PLCL1: variants seen among roughly 807,000 people sequenced by gnomAD.
The protein encoded by PLCL1 is phospholipase C like 1 (inactive).
In PLCL1, 41 loss-of-function variants were observed where a neutral mutation model predicts 84.4. That is an observed-to-expected ratio of 0.49 (90% confidence interval 0.38 to 0.63). The LOEUF (loss-of-function observed/expected upper bound fraction) is 0.63, where lower values mean the gene tolerates loss of function less well. PLCL1 is among the 30% of genes least tolerant of loss of function. The probability of loss-of-function intolerance (pLI) is 0.00; values close to 1 mark genes in which losing one functional copy is unlikely to be tolerated. For missense variants in PLCL1, 1,206 were observed against 1,367.8 expected, an observed-to-expected ratio of 0.88 and a Z score of 1.87; for synonymous variants, 490 against 488.3, an observed-to-expected ratio of 1.00 and a Z score of -0.05.
intron 1 of PLCL1, among the ~76,000 whole-genome samples, chr2:197,876,063 G>A (rs1328388233): frequency 6.6e-6 from 1 of 152,144 alleles, no homozygotes; most frequent in Non-Finnish European, 1.5e-5. Context: ...AACACGAATA[G>A]GCACTAACTA....
intron 5 of PLCL1, among the ~76,000 whole-genome samples, chr2:198,133,742 C>T (rs1188822364): frequency 1.3e-5 from 2 of 152,000 alleles, no homozygotes; most frequent in Non-Finnish European, 2.9e-5. Flanking sequence ...GTTCCATTTC[C>T]CAATACACTC....
At chr2:198,093,645 G>T (rs1693111103) in intron 3 of PLCL1, among the ~76,000 whole-genome samples, 1 of 152,100 alleles carries the variant, frequency 6.6e-6, no homozygotes, top group African/African-American at 2.4e-5. Flanking sequence ...TGGATTTCTT[G>T]AAAATGGTAA....
In PLCL1 at chr2:197,804,948, C is replaced by A. The variant is rs1325182851; in HGVS notation, c.-152C>A. On this transcript the variant is annotated 5_prime_UTR_variant, in exon 1 of 6. Coordinates refer to ENST00000428675, the MANE Select transcript of PLCL1 (RefSeq NM_006226.4). ...TGTCCCCTCTCCAGAAAGTTGCCGC[C>A]GCCGCCGCCGCCGCCGCCACTGCCG... 3 of 923,396 alleles carry A rather than the reference C, an allele frequency of 3.2e-6. No individual in the cohort carries two copies. 57.2% of individuals were successfully genotyped at this position (923,396 alleles called of 1,614,324 possible).
intron 1 of PLCL1, among the ~76,000 whole-genome samples, chr2:198,040,121 A>G (rs751119943): frequency 1.8e-4 from 27 of 152,142 alleles, no homozygotes; most frequent in Non-Finnish European, 3.2e-4. Flanking sequence ...TCTTCTAGTT[A>G]TACTTCTTTT....
chr2:197,861,368 GCT>G (rs972566945), intron 1 of PLCL1, among the ~76,000 whole-genome samples: 5 of 152,170 alleles, frequency 3.3e-5, no homozygotes, highest in Admixed American at 2.0e-4. Flanking sequence ...AGGCATGGAA[GCT>G]CTGTGTCCGT....
chr2:197,854,224 T>G (rs1687291934), intron 1 of PLCL1, among the ~76,000 whole-genome samples: 1 of 152,174 alleles, frequency 6.6e-6, no homozygotes, highest in Non-Finnish European at 1.5e-5. Flanking sequence ...GTACTCTGAA[T>G]TGAAATGGGG....
chr2:198,042,760 G>A (rs1047242934), intron 1 of PLCL1, among the ~76,000 whole-genome samples: 2 of 152,084 alleles, frequency 1.3e-5, no homozygotes, highest in Non-Finnish European at 2.9e-5. Flanking sequence ...GATTTGAGGC[G>A]AATCTATACA....
intron 1 of PLCL1, among the ~76,000 whole-genome samples, chr2:197,898,948 G>A (rs1372998777): frequency 3.3e-5 from 5 of 152,118 alleles, no homozygotes; most frequent in Non-Finnish European, 7.4e-5. Flanking sequence ...AATATTACTG[G>A]TTTTCTTATT....
intron 1 of PLCL1, among the ~76,000 whole-genome samples, chr2:197,936,406 G>A (rs946667700): frequency 7.9e-5 from 12 of 151,522 alleles, no homozygotes; most frequent in East Asian, 1.9e-4. Context: ...CCTTTTTTCC[G>A]CATATCTTTC....
chr2:197,884,477 G>A (rs549702517), intron 1 of PLCL1, among the ~76,000 whole-genome samples: 2 of 152,180 alleles, frequency 1.3e-5, no homozygotes, highest in East Asian at 3.8e-4. Context: ...GGGAAATGTA[G>A]TCTTTTAGCT....
intron 1 of PLCL1, among the ~76,000 whole-genome samples, chr2:198,023,590 A>G (rs982351916): frequency 1.7e-4 from 26 of 152,252 alleles, no homozygotes; most frequent in African/African-American, 5.8e-4. Context: ...GGCGAAGGAT[A>G]TGGACAGACG....
intron 1 of PLCL1, among the ~76,000 whole-genome samples, chr2:198,024,225 C>T (rs1294045902): frequency 6.6e-6 from 1 of 151,976 alleles, no homozygotes; most frequent in Non-Finnish European, 1.5e-5. Context: ...TGGAGGGGAA[C>T]GTCACACACC....
intron 1 of PLCL1, among the ~76,000 whole-genome samples, chr2:198,050,488 T>A (rs955545959): frequency 2.0e-5 from 3 of 151,696 alleles, no homozygotes; most frequent in Non-Finnish European, 4.4e-5. Context: ...GTAAATAAAA[T>A]GGAGATGTAG....
intron 1 of PLCL1, among the ~76,000 whole-genome samples, chr2:197,825,587 A>G (rs1690911516): frequency 6.6e-6 from 1 of 152,206 alleles, no homozygotes; most frequent in South Asian, 2.1e-4. Flanking sequence ...AACTAAACCA[A>G]GACAACTCAT....
At chr2:198,097,569 C>A (rs1227914927) in intron 3 of PLCL1, among the ~76,000 whole-genome samples, 1 of 152,120 alleles carries the variant, frequency 6.6e-6, no homozygotes, top group Non-Finnish European at 1.5e-5. Flanking sequence ...TGGATAAAAA[C>A]AAATATTTCT....
chr2:197,977,650 C>G lies in PLCL1; in HGVS notation c.241-106108C>G, dbSNP rs568149816. Among the ~76,000 whole-genome samples the G allele has an allele frequency of 1.0e-3, 155 of 152,270 alleles. 1 individual carries two copies. The highest frequency in any genetic ancestry group is 3.7e-3 in the African/African-American group (152 of 41,550). ...TGCCCCCATCCATTCATTCCCCTGT[C>G]CCTTTCCTGCCAGGTTACTGTTCCT... On this transcript the variant is annotated intron_variant, in intron 1 of 5. Coordinates refer to ENST00000428675, the MANE Select transcript of PLCL1 (RefSeq NM_006226.4).
chr2:197,998,872 G>A (rs987853722), intron 1 of PLCL1, among the ~76,000 whole-genome samples: 1 of 152,132 alleles, frequency 6.6e-6, no homozygotes, highest in African/African-American at 2.4e-5. Context: ...AGGTGTGGGT[G>A]GGAACGGAAC....
chr2:198,084,426 T>C lies in PLCL1; in HGVS notation c.909T>C (p.Phe303=), dbSNP rs747816659. Residue 303 remains phenylalanine (F), a synonymous_variant, in exon 2 of 6, where the codon TTT becomes TTC. Coordinates refer to ENST00000428675, the MANE Select transcript of PLCL1 (RefSeq NM_006226.4). ...KLTTRVTEEE[F]CEAFCELCTR... ...CCACCCGCGTGACCGAAGAGGAATT[T>C]TGTGAAGCTTTTTGTGAACTTTGCA... 1.3e-5 allele frequency: 21 copies of C among 1,614,010 alleles called. No homozygotes were observed. The highest frequency in any genetic ancestry group is 1.6e-5 in the Non-Finnish European group (19 of 1,180,004).
At chr2:197,915,786 A>G (rs945541380) in intron 1 of PLCL1, among the ~76,000 whole-genome samples, 4 of 152,130 alleles carry the variant, frequency 2.6e-5, no homozygotes, top group Non-Finnish European at 4.4e-5. Context: ...CTCTGACTCA[A>G]GTGGTTGGAG....
Sources: gnomAD v4.1 joint callset for allele counts (sites outside exome capture counted in the v4.1 genomes callset) on GRCh38, gnomAD v4.1.1 for gene constraint, MANE v1.5 for transcripts, NCBI Gene and HGNC (gene_info 2026-07-23, HGNC 2026-07-21) for gene names.